Variants in DNAL1 observed in about 807,000 individuals in gnomAD.
DNAL1 encodes the protein chromosome 14 open reading frame 168.
In DNAL1, 17 loss-of-function variants were observed where a neutral mutation model predicts 29.4. The observed-to-expected ratio is 0.58, with a 90% CI of 0.40 to 0.87. The LOEUF is 0.87. DNAL1 is among the 40% of genes least tolerant of loss of function. The probability of loss-of-function intolerance (pLI) is 0.00; values close to 1 mark genes in which losing one functional copy is unlikely to be tolerated. For synonymous variants in DNAL1, 78 were observed against 76.3 expected (o/e 1.02, Z -0.12); for missense variants, 188 against 214.1 (o/e 0.88, Z 0.76).
intron 5 of DNAL1, among the ~76,000 whole-genome samples, chr14:73,681,615 AAAAAAAAAAAAAAAAAAAAT>A (rs1566888678): frequency 2.0e-5 from 1 of 49,124 alleles, no homozygotes; most frequent in Non-Finnish European, 3.8e-5. Context: ...CAAAAAAAAA[AAAAAAAAAAAAAAAAAAAAT>A]ATATATATAT....
chr14:73,697,026 T>G lies in DNAL1; in HGVS notation c.*1084T>G, dbSNP rs1365355427. The G allele has an allele frequency of 6.6e-6, 1 of 152,228 alleles. No homozygotes were observed. The highest frequency in any genetic ancestry group is 1.5e-5 in the Non-Finnish European group (1 of 68,036). 9.4% of individuals were successfully genotyped at this position (152,228 alleles called of 1,614,324 possible). A position where few individuals can be genotyped will look rare whatever the true frequency, so the allele number is the denominator to read the frequency against. On this transcript the variant is annotated 3_prime_UTR_variant, in exon 8 of 8. Coordinates refer to ENST00000553645, the MANE Select transcript of DNAL1 (RefSeq NM_031427.4). ...GGCAATATGTTTGAGGATTGTCTCC[T>G]ACATAAAGCAGTGTAGGTGATTTAA...
At chr14:73,654,611 T>C (rs1033975543) in intron 1 of DNAL1, among the ~76,000 whole-genome samples, 1 of 151,964 alleles carries the variant, frequency 6.6e-6, no homozygotes, top group African/African-American at 2.4e-5. Context: ...TACAAAAAAT[T>C]AGCCGGGAGT....
At chr14:73,677,884 T>TATATATATATTTGTGTGTG (rs1555402397) in intron 5 of DNAL1, among the ~76,000 whole-genome samples, 1 of 96,130 alleles carries the variant, frequency 1.0e-5, no homozygotes, top group Non-Finnish European at 2.2e-5. Flanking sequence ...ATATATATAT[T>TATATATATATTTGTGTGTG]TGTGTGTGTG....
At chr14:73,677,052 G>A (rs549502017) in intron 5 of DNAL1, among the ~76,000 whole-genome samples, 1 of 148,762 alleles carries the variant, frequency 6.7e-6, no homozygotes, top group African/African-American at 2.5e-5. Flanking sequence ...CTCACTACAA[G>A]CTCCACCTCC....
chr14:73,695,992 T>C lies in DNAL1; in HGVS notation c.*50T>C, dbSNP rs929234846. ...ACTTATTTAAATGTCATAAGAACAATAGATAAATTTTATATAATTGTCTAT... is the reference window on the plus strand; with the variant it reads ...ACTTATTTAAATGTCATAAGAACAACAGATAAATTTTATATAATTGTCTAT... On this transcript the variant is annotated 3_prime_UTR_variant, in exon 8 of 8. Transcript: ENST00000553645. The C allele has an allele frequency of 3.4e-6, 5 of 1,484,586 alleles. No individual in the cohort carries two copies. In the South Asian group the frequency reaches 3.8e-5, roughly 11 times the overall value. The allele number at this position is 1,484,586 out of a possible 1,614,324, so 92.0% of individuals were successfully genotyped here.
chr14:73,684,280 G>A (rs12884642), intron 5 of DNAL1, among the ~76,000 whole-genome samples: 28,194 of 151,980 alleles, frequency 0.19, 3,128 homozygotes, highest in African/African-American at 0.31. Context: ...CTATCTCTTC[G>A]ACATACTGTT....
In DNAL1 at chr14:73,671,529, C is replaced by G. The variant is rs747302116; in HGVS notation, c.209-13C>G. On this transcript the variant is annotated splice_polypyrimidine_tract_variant and intron_variant, in intron 4 of 7. Coordinates refer to ENST00000553645, the MANE Select transcript of DNAL1 (RefSeq NM_031427.4). ...ATTCTAGTAAACAAAAAAATGTTTT[C>G]TTTTCACTACAGAAAACTTGAGGAT... The G allele has an allele frequency of 5.5e-6, 8 of 1,451,664 alleles. No homozygotes were observed. Among genetic ancestry groups the G allele is most frequent in the African/African-American group, 1.5e-5 (1 of 68,386 alleles). 89.9% of individuals were successfully genotyped at this position (1,451,664 alleles called of 1,614,324 possible). A position where few individuals can be genotyped will look rare whatever the true frequency, so the allele number is the denominator to read the frequency against.
Position 73,658,838 on chromosome 14 carries a change from T to C in DNAL1, c.43-9T>C, listed in dbSNP as rs1595204699. 2 of 1,594,708 alleles carry C rather than the reference T, an allele frequency of 1.3e-6. No individual in the cohort carries two copies. Among genetic ancestry groups the C allele is most frequent in the East Asian group, 2.3e-5 (1 of 44,290 alleles). On this transcript the variant is annotated splice_polypyrimidine_tract_variant and intron_variant, in intron 2 of 7. Coordinates refer to ENST00000553645, the MANE Select transcript of DNAL1 (RefSeq NM_031427.4). ...TGGGTTATTTCTTCCAAATGTATTTTTCTCATAGGAAGAGAAAACTGGCCA... is the reference window on the plus strand; with the variant it reads ...TGGGTTATTTCTTCCAAATGTATTTCTCTCATAGGAAGAGAAAACTGGCCA...
At chr14:73,669,279 C>A (rs62004920) in intron 4 of DNAL1, among the ~76,000 whole-genome samples, 33,622 of 151,982 alleles carry the variant, frequency 0.22, 4,983 homozygotes, top group Non-Finnish European at 0.33. Context: ...CCACCATGCC[C>A]AGCTAAACTT....
rs1189786719 is a variant in DNAL1, at chr14:73,654,801, C to T, written c.4-46C>T. 33 of 1,476,518 alleles carry T rather than the reference C, an allele frequency of 2.2e-5. No individual in the cohort carries two copies. The East Asian group carries it at 7.4e-4, about 33-fold the overall frequency. 91.5% of individuals were successfully genotyped at this position (1,476,518 alleles called of 1,614,324 possible). A position where few individuals can be genotyped will look rare whatever the true frequency, so the allele number is the denominator to read the frequency against. On this transcript the variant is annotated intron_variant, in intron 1 of 7. Coordinates refer to ENST00000553645, the MANE Select transcript of DNAL1 (RefSeq NM_031427.4). ...ACATACATACATACATTCATACATA[C>T]ATACAACTTTGTTTTTTCTTTTCTT...
intron 5 of DNAL1, among the ~76,000 whole-genome samples, chr14:73,681,397 A>C (rs1407276952): frequency 2.0e-5 from 3 of 150,590 alleles, no homozygotes; most frequent in Non-Finnish European, 4.4e-5. Context: ...GGCCTCCCAA[A>C]GTGCTGGGAT....
At chr14:73,685,838 T>G (rs1400398553) in intron 5 of DNAL1, among the ~76,000 whole-genome samples, 3 of 152,138 alleles carry the variant, frequency 2.0e-5, no homozygotes, top group Non-Finnish European at 4.4e-5. Flanking sequence ...TGTCTATCAG[T>G]GGACACTTGG....
chr14:73,661,916 A>T, intron 3 of DNAL1, 71 bp from the exon 4 acceptor site: 1 of 919,950 alleles, frequency 1.1e-6, no homozygotes, highest in Non-Finnish European at 1.7e-6. Flanking sequence ...TATGGGCACT[A>T]GTGTTAAGGA....
chr14:73,663,966 G>C (rs1262603535), intron 4 of DNAL1, among the ~76,000 whole-genome samples: 1 of 152,152 alleles, frequency 6.6e-6, no homozygotes. Context: ...TCAAAGCACT[G>C]CTTCTCTTCT....
At chr14:73,648,845 C>CTTGTGTAT (rs1891044686) in intron 1 of DNAL1, among the ~76,000 whole-genome samples, 1 of 150,814 alleles carries the variant, frequency 6.6e-6, no homozygotes, top group Non-Finnish European at 1.5e-5. Flanking sequence ...AATATTGGTC[C>CTTGTGTAT]TCATTGGTTT....
At chr14:73,662,100 T>C in intron 4 of DNAL1, 58 bp downstream of exon 4, 1 of 1,402,784 alleles carries the variant, frequency 7.1e-7, no homozygotes, top group East Asian at 2.5e-5. Context: ...TAATAAACAT[T>C]CCGGAGACAA....
intron 6 of DNAL1, among the ~76,000 whole-genome samples, chr14:73,688,112 A>T (rs192806272): frequency 6.6e-6 from 1 of 152,336 alleles, no homozygotes; most frequent in Non-Finnish European, 1.5e-5. Flanking sequence ...TGAAGTAATC[A>T]GTTTAAATTT....
At chr14:73,677,748 G>C (rs1343718736) in intron 5 of DNAL1, among the ~76,000 whole-genome samples, 1 of 149,748 alleles carries the variant, frequency 6.7e-6, no homozygotes, top group Non-Finnish European at 1.5e-5. Flanking sequence ...TAGTAGAGAC[G>C]GGGTTTCACC....
At chr14:73,693,028 G>T (rs1892212691) in intron 7 of DNAL1, among the ~76,000 whole-genome samples, 1 of 152,026 alleles carries the variant, frequency 6.6e-6, no homozygotes, top group Non-Finnish European at 1.5e-5. Flanking sequence ...TAGAGATGGG[G>T]TCTTATCATC....
Sources: allele counts gnomAD v4.1 joint callset (sites outside exome capture counted in the v4.1 genomes callset), GRCh38; gene constraint gnomAD v4.1.1; transcripts MANE v1.5; gene names NCBI Gene and HGNC (gene_info 2026-07-23, HGNC 2026-07-21).